Variants in HS6ST3 observed in about 807,000 individuals in gnomAD.
HS6ST3 encodes heparan sulfate 6-O-sulfotransferase 3.
A neutral mutation model predicts 36.7 loss-of-function variants in HS6ST3; 12 were observed. The ratio of observed to expected loss-of-function variants is 0.33; its 90% CI spans 0.21 to 0.53. The LOEUF (loss-of-function observed/expected upper bound fraction) is 0.53. HS6ST3 is among the 20% of genes least tolerant of loss of function. The pLI, the probability that HS6ST3 is intolerant of heterozygous loss-of-function variation, is 0.95. For missense variants in HS6ST3, 584 were observed against 640.9 expected (o/e 0.91, Z 0.96); for synonymous variants, 240 against 257.5 (o/e 0.93, Z 0.65).
At chr13:96,516,183 T>TC (rs1455959374) in intron 1 of HS6ST3, among the ~76,000 whole-genome samples, 1 of 151,826 alleles carries the variant, frequency 6.6e-6, no homozygotes, top group Non-Finnish European at 1.5e-5. Flanking sequence ...TGCTTCAGCC[T>TC]CCTGAGTACC....
At chr13:96,669,245 G>A (rs890018410) in intron 1 of HS6ST3, among the ~76,000 whole-genome samples, 8 of 152,148 alleles carry the variant, frequency 5.3e-5, no homozygotes, top group African/African-American at 1.9e-4. Flanking sequence ...GATGGTGACT[G>A]GTTTAATGTT....
intron 1 of HS6ST3, among the ~76,000 whole-genome samples, chr13:96,423,465 G>A (rs1221547497): frequency 6.6e-6 from 1 of 151,962 alleles, no homozygotes; most frequent in African/African-American, 2.4e-5. Flanking sequence ...TGGCTGGAGA[G>A]TGTGCTGGGG....
chr13:96,213,062 A>G lies in HS6ST3; in HGVS notation c.707+121493A>G, dbSNP rs191238584. Among the ~76,000 whole-genome samples the G allele has an allele frequency of 1.2e-4, 19 of 152,350 alleles. No homozygotes were observed. The East Asian group carries it at 3.7e-3, about 29-fold the overall frequency. On this transcript the variant is annotated intron_variant, in intron 1 of 1. Transcript: ENST00000376705. ...ACTTATTTTTGGTTTGACTTAATGT[A>G]TAAACTGTGAGTTAGGTCAAGGGAT...
intron 1 of HS6ST3, among the ~76,000 whole-genome samples, chr13:96,797,970 C>A (rs1376393476): frequency 6.6e-6 from 1 of 151,996 alleles, no homozygotes; most frequent in East Asian, 1.9e-4. Flanking sequence ...GCTCCTACAC[C>A]ACACTTCTGA....
intron 1 of HS6ST3, among the ~76,000 whole-genome samples, chr13:96,616,695 G>T (rs1237909362): frequency 6.6e-6 from 1 of 152,126 alleles, no homozygotes; most frequent in African/African-American, 2.4e-5. Context: ...TGAACCCAAA[G>T]CTCAATTATT....
intron 1 of HS6ST3, among the ~76,000 whole-genome samples, chr13:96,463,731 C>T (rs2055796817): frequency 6.6e-6 from 1 of 151,846 alleles, no homozygotes; most frequent in Non-Finnish European, 1.5e-5. Flanking sequence ...AAAGAACTTC[C>T]TCAAATCAGT....
chr13:96,517,595 C>T (rs936041760), intron 1 of HS6ST3, among the ~76,000 whole-genome samples: 8 of 152,126 alleles, frequency 5.3e-5, no homozygotes, highest in African/African-American at 1.9e-4. Flanking sequence ...CTACATTTTC[C>T]TTTTTTTCTT....
At chr13:96,299,608 T>G (rs1442530476) in intron 1 of HS6ST3, among the ~76,000 whole-genome samples, 1 of 152,120 alleles carries the variant, frequency 6.6e-6, no homozygotes, top group Non-Finnish European at 1.5e-5. Context: ...GGAAAGTCTC[T>G]AGAGGCAGCA....
Position 96,149,408 on chromosome 13 carries a change from A to C in HS6ST3, c.707+57839A>C, listed in dbSNP as rs898492175. On this transcript the variant is annotated intron_variant, in intron 1 of 1. Transcript: ENST00000376705. ...ATTTTTCATTTTTCTTTATAGCCACAATAGTGTGACCTCCCATTTTCCTGT... is the reference window on the plus strand; with the variant it reads ...ATTTTTCATTTTTCTTTATAGCCACCATAGTGTGACCTCCCATTTTCCTGT... 3.9e-5 allele frequency among the ~76,000 whole-genome samples: 6 copies of C among 152,232 alleles called. No homozygotes were observed. In the East Asian group the frequency reaches 1.2e-3, roughly 29 times the overall value.
chr13:96,112,620 T>TATATATATG (rs2053875961), intron 1 of HS6ST3, among the ~76,000 whole-genome samples: 1 of 132,440 alleles, frequency 7.6e-6, no homozygotes, highest in Non-Finnish European at 1.6e-5. Context: ...TATATATATA[T>TATATATATG]ATGCCCGGCT....
intron 1 of HS6ST3, among the ~76,000 whole-genome samples, chr13:96,461,681 C>G (rs907303146): frequency 6.6e-6 from 1 of 152,214 alleles, no homozygotes; most frequent in Admixed American, 6.5e-5. Context: ...TTGGCTTTCA[C>G]CCTGAGGTTT....
intron 1 of HS6ST3, among the ~76,000 whole-genome samples, chr13:96,624,725 C>T (rs900708945): frequency 3.3e-5 from 5 of 152,118 alleles, no homozygotes; most frequent in Admixed American, 1.3e-4. Context: ...GTGTCTGACT[C>T]GCTTTTGTTT....
At chr13:96,143,025 T>C (rs539762048) in intron 1 of HS6ST3, among the ~76,000 whole-genome samples, 2 of 152,200 alleles carry the variant, frequency 1.3e-5, no homozygotes, top group East Asian at 3.9e-4. Flanking sequence ...CTAATGTAAA[T>C]GCTATTTCAT....
At chr13:96,267,164 G>T (rs1219207474) in intron 1 of HS6ST3, among the ~76,000 whole-genome samples, 3 of 152,122 alleles carry the variant, frequency 2.0e-5, no homozygotes, top group Non-Finnish European at 4.4e-5. Context: ...TGTAAGATGT[G>T]CCTTTGCTCC....
intron 1 of HS6ST3, among the ~76,000 whole-genome samples, chr13:96,456,056 A>G (rs2055753134): frequency 6.6e-6 from 1 of 152,118 alleles, no homozygotes; most frequent in Non-Finnish European, 1.5e-5. Context: ...GCTTTTTATT[A>G]TGTGTATGTT....
At chr13:96,831,954 C>CAAAAAAAAAAAAAAAAAAAAAAAAAAAA (rs35266831) in intron 1 of HS6ST3, among the ~76,000 whole-genome samples, 1 of 21,856 alleles carries the variant, frequency 4.6e-5, no homozygotes, top group African/African-American at 1.8e-4. Flanking sequence ...GACTCCCTCT[C>CAAAAAAAAAAAAAAAAAAAAAAAAAAAA]AAAAAAAAAA....
intron 1 of HS6ST3, among the ~76,000 whole-genome samples, chr13:96,539,038 A>T (rs2056167215): frequency 6.6e-6 from 1 of 152,126 alleles, no homozygotes. Flanking sequence ...ATCTAGGCGT[A>T]GTAGTGGCTT....
At chr13:96,203,678 A>G (rs887163022) in intron 1 of HS6ST3, among the ~76,000 whole-genome samples, 3 of 152,200 alleles carry the variant, frequency 2.0e-5, no homozygotes, top group Non-Finnish European at 4.4e-5. Flanking sequence ...CTAGAAGCCA[A>G]ATACCATATG....
chr13:96,629,836 T>A (rs2056525818), intron 1 of HS6ST3, among the ~76,000 whole-genome samples: 1 of 152,154 alleles, frequency 6.6e-6, no homozygotes, highest in Non-Finnish European at 1.5e-5. Flanking sequence ...GCAATGTTTT[T>A]TTTTTCCTAC....
Sources: allele counts gnomAD v4.1 joint callset (sites outside exome capture counted in the v4.1 genomes callset), GRCh38; gene constraint gnomAD v4.1.1; transcripts MANE v1.5; gene names NCBI Gene and HGNC (gene_info 2026-07-23, HGNC 2026-07-21).